Variants in SMAD5 observed in about 807,000 individuals in gnomAD.
SMAD5 encodes the protein MAD, mothers against decapentaplegic homolog 5.
Under a neutral mutation model 43.1 loss-of-function variants are expected in SMAD5, and 9 were observed. The observed-to-expected ratio is 0.21, with a 90% CI of 0.13 to 0.36. The LOEUF is 0.36. Ranked by LOEUF, SMAD5 falls within the 10% of genes least tolerant of loss-of-function variation. The pLI is 1.00. For synonymous variants in SMAD5, 190 were observed against 192.4 expected (o/e 0.99, Z 0.10); for missense variants, 348 against 574.0 (o/e 0.61, Z 4.02).
At position 136,172,614 on chromosome 5, in the gene SMAD5, G is replaced by A. The variant is rs777302511; in HGVS notation, c.956G>A (p.Arg319His). Residue 319 changes from arginine to histidine, a missense_variant, in exon 6 of 8, where the codon CGT becomes CAT. By Grantham distance (29) the Arg-to-His change is conservative (BLOSUM62 0). This residue lies in a region of SMAD5 where 97 missense variants were observed against 211.8 expected (regional missense o/e 0.46). Transcript: ENST00000545279. The part of the protein sequence containing the change: ...FCLGLLSNVN[R>H]NSTIENTRRH... The stretch of plus-strand genomic sequence containing the variant: ...TTGGGTTTGTTGTCAAATGTTAATC[G>A]TAATTCGACAATTGAAAACACTAGG... 1 of 1,612,464 alleles carries A rather than the reference G, an allele frequency of 6.2e-7. No individual in the cohort carries two copies. Among genetic ancestry groups the A allele is most frequent in the Non-Finnish European group, 8.5e-7 (1 of 1,178,590 alleles).
chr5:136,160,763 G>T, intron 3 of SMAD5, 93 bp from the exon 4 acceptor site: 1 of 1,247,212 alleles, frequency 8.0e-7, no homozygotes, highest in Non-Finnish European at 1.1e-6. Flanking sequence ...TAGGTTTACA[G>T]TCTTACATGA....
chr5:136,154,264 C>CT, intron 3 of SMAD5, 101 bp downstream of exon 3: 1 of 725,188 alleles, frequency 1.4e-6, no homozygotes, highest in Admixed American at 3.6e-5. Context: ...GTTGTATTAG[C>CT]TTTGTGTTTC....
chr5:136,158,654 C>T (rs1186685951), intron 3 of SMAD5, among the ~76,000 whole-genome samples: 1 of 152,142 alleles, frequency 6.6e-6, no homozygotes, highest in Non-Finnish European at 1.5e-5. Flanking sequence ...AATCCCAGCA[C>T]TTTGGGAGGC....
intron 3 of SMAD5, among the ~76,000 whole-genome samples, chr5:136,160,012 G>GT (rs1217390914): frequency 6.6e-6 from 1 of 152,192 alleles, no homozygotes; most frequent in African/African-American, 2.4e-5. Context: ...AATCAGGTTT[G>GT]TTTCAGTTTC....
chr5:136,163,429 A>C (rs947910529), intron 5 of SMAD5, 38 bp downstream of exon 5: 3 of 1,514,354 alleles, frequency 2.0e-6, no homozygotes, highest in Admixed American at 2.1e-5. Flanking sequence ...TTATAGTAGT[A>C]GTTGTTTTTA....
Position 136,136,270 on chromosome 5 carries a change from C to T in SMAD5, c.-245+3308C>T, listed in dbSNP as rs1387947161. Among the ~76,000 whole-genome samples the T allele has an allele frequency of 3.9e-5, 6 of 152,154 alleles. No homozygotes were observed. The South Asian group carries it at 6.2e-4, about 16-fold the overall frequency. On this transcript the variant is annotated intron_variant, in intron 1 of 7. Transcript: ENST00000545279. ...TTGGCTCACTGCAACCTCCGCCTCCCGGGTTGAAGCAATTCTCCTGCCTCA... is the reference window on the plus strand; with the variant it reads ...TTGGCTCACTGCAACCTCCGCCTCCTGGGTTGAAGCAATTCTCCTGCCTCA...
In SMAD5 at chr5:136,180,390, A is replaced by G. The variant is rs1754585337; in HGVS notation, c.*2910A>G. 2 of 152,206 alleles carry G rather than the reference A, an allele frequency of 1.3e-5. No individual in the cohort carries two copies. Among genetic ancestry groups the G allele is most frequent in the Admixed American group, 1.3e-4 (2 of 15,280 alleles). 9.4% of individuals were successfully genotyped at this position (152,206 alleles called of 1,614,324 possible). A position where few individuals can be genotyped will look rare whatever the true frequency, so the allele number is the denominator to read the frequency against. On this transcript the variant is annotated 3_prime_UTR_variant, in exon 8 of 8. Coordinates refer to ENST00000545279, the MANE Select transcript of SMAD5 (RefSeq NM_005903.7). The stretch of plus-strand genomic sequence containing the variant: ...GCTGAAAAGACAGAATCTGGGAATA[A>G]TAAAATTGCAACCAGTTTGGTAATG...
intron 1 of SMAD5, among the ~76,000 whole-genome samples, chr5:136,141,545 G>T (rs550432462): frequency 2.0e-5 from 3 of 152,170 alleles, no homozygotes; most frequent in African/African-American, 7.2e-5. Context: ...CCTTTGTATG[G>T]GACTTAGAAA....
chr5:136,138,363 G>A (rs1199133012), intron 1 of SMAD5, among the ~76,000 whole-genome samples: 2 of 152,192 alleles, frequency 1.3e-5, no homozygotes, highest in South Asian at 4.1e-4. Flanking sequence ...CCACAGTTGA[G>A]GAAAGTGGTG....
chr5:136,140,970 GAAAT>G (rs1479479293), intron 1 of SMAD5, among the ~76,000 whole-genome samples: 1 of 151,976 alleles, frequency 6.6e-6, no homozygotes, highest in Non-Finnish European at 1.5e-5. Context: ...GCGAGAGACA[GAAAT>G]AAAGTAAATG....
intron 3 of SMAD5, among the ~76,000 whole-genome samples, chr5:136,159,100 G>A (rs1165727459): frequency 6.6e-6 from 1 of 152,140 alleles, no homozygotes; most frequent in Non-Finnish European, 1.5e-5. Flanking sequence ...TCAAGAAAAA[G>A]TAGACTCATA....
intron 4 of SMAD5, 39 bp downstream of exon 4, chr5:136,161,146 T>C (rs1415519496): frequency 1.9e-6 from 3 of 1,565,310 alleles, no homozygotes; most frequent in African/African-American, 2.7e-5. Flanking sequence ...AAAAAAAAAT[T>C]CCTAAGAATC....
intron 3 of SMAD5, among the ~76,000 whole-genome samples, chr5:136,159,483 A>T (rs1045920848): frequency 2.0e-5 from 3 of 152,146 alleles, no homozygotes; most frequent in African/African-American, 4.8e-5. Flanking sequence ...ATAATTTTTT[A>T]AAAATCGTGC....
In SMAD5 at chr5:136,169,001, T is replaced by C. The variant is rs563736203; in HGVS notation, c.776-3433T>C. ...TATTAAGGAGAATTGACTCATGTGA[T>C]CACAAGGTAAAGTCCCACGATAGGC... is the stretch of plus-strand genomic sequence containing the variant. On this transcript the variant is annotated intron_variant, in intron 5 of 7. Transcript: ENST00000545279. Among the ~76,000 whole-genome samples the C allele has an allele frequency of 3.9e-5, 6 of 152,232 alleles. No individual in the cohort carries two copies. The East Asian group carries it at 1.2e-3, about 29-fold the overall frequency.
chr5:136,160,749 T>C (rs1753794174), intron 3 of SMAD5, 107 bp from the exon 4 acceptor site: 6 of 1,077,526 alleles, frequency 5.6e-6, no homozygotes, highest in Non-Finnish European at 8.1e-6. Context: ...GTAAATTGTT[T>C]TAATAGGTTT....
At chr5:136,154,392 A>G (rs150113059) in intron 3 of SMAD5, among the ~76,000 whole-genome samples, 21 of 152,238 alleles carry the variant, frequency 1.4e-4, no homozygotes, top group African/African-American at 3.9e-4. Flanking sequence ...AAGCACCCAT[A>G]TATCTACTCT....
In SMAD5 at chr5:136,182,428, T is replaced by C. The variant is rs1754663574; in HGVS notation, c.*4948T>C. On this transcript the variant is annotated 3_prime_UTR_variant, in exon 8 of 8. Coordinates refer to ENST00000545279, the MANE Select transcript of SMAD5 (RefSeq NM_005903.7). ...CACTTATTTTAAAATCGAAGAGGAT[T>C]GTAATCATGGAAATAGAATGTTTGT... 1 of 152,536 alleles carries C rather than the reference T, an allele frequency of 6.6e-6. No individual in the cohort carries two copies. The highest frequency in any genetic ancestry group is 1.5e-5 in the Non-Finnish European group (1 of 68,024). 9.4% of individuals were successfully genotyped at this position (152,536 alleles called of 1,614,324 possible). A position where few individuals can be genotyped will look rare whatever the true frequency, so the allele number is the denominator to read the frequency against.
chr5:136,161,540 G>C (rs139327870), intron 4 of SMAD5, among the ~76,000 whole-genome samples: 227 of 152,288 alleles, frequency 1.5e-3, no homozygotes, highest in African/African-American at 5.4e-3. Flanking sequence ...TCAGACCCAG[G>C]TTTGTCTAAC....
At chr5:136,176,723 A>G (rs1467099233) in intron 7 of SMAD5, among the ~76,000 whole-genome samples, 1 of 152,082 alleles carries the variant, frequency 6.6e-6, no homozygotes, top group Non-Finnish European at 1.5e-5. Flanking sequence ...ACCTTCTTTT[A>G]TTCTTTGTGC....
Sources: gnomAD v4.1 joint callset for allele counts (sites outside exome capture counted in the v4.1 genomes callset) on GRCh38, gnomAD v4.1.1 for gene constraint, gnomAD v4.1.1 regional missense constraint, MANE v1.5 for transcripts, NCBI Gene and HGNC (gene_info 2026-07-23, HGNC 2026-07-21) for gene names.